Variants in CAST observed in about 807,000 individuals in gnomAD.
CAST encodes the protein MIR583 host.
Under a neutral mutation model 119.6 loss-of-function variants are expected in CAST, and 76 were observed. That is an observed-to-expected ratio of 0.64 (90% CI 0.53 to 0.77). CAST has a LOEUF of 0.77. Ranked by LOEUF, CAST falls within the 30% of genes least tolerant of loss-of-function variation. CAST has a pLI of 0.00. For synonymous variants in CAST, 319 were observed against 331.6 expected, an observed-to-expected ratio of 0.96 and a Z score of 0.41; for missense variants, 953 against 946.5, an observed-to-expected ratio of 1.01 and a Z score of -0.09.
chr5:96,437,372 A>T, the CAST span, among the ~76,000 whole-genome samples: 1 of 152,178 alleles, frequency 6.6e-6, no homozygotes, highest in Non-Finnish European at 1.5e-5. Flanking sequence ...GCCATATACA[A>T]GTATTTAGGT....
At chr5:96,613,567 G>C (rs1023830289) in intron 1 of CAST, among the ~76,000 whole-genome samples, 10 of 152,186 alleles carry the variant, frequency 6.6e-5, no homozygotes, top group African/African-American at 1.7e-4. Flanking sequence ...AGTAGTCAGT[G>C]ATGGGGACGG....
chr5:96,308,955 C>T, the CAST span: 1 of 152,432 alleles, frequency 6.6e-6, no homozygotes, highest in Non-Finnish European at 1.5e-5. Flanking sequence ...CTTGAGGAGG[C>T]AGTCTGTCCC....
intron 1 of CAST, among the ~76,000 whole-genome samples, chr5:96,552,469 G>T (rs1182079758): frequency 6.6e-6 from 1 of 152,032 alleles, no homozygotes. Flanking sequence ...GAAAGCAGGA[G>T]AGATCTAAAA....
chr5:96,521,021 C>T (rs1745508243), upstream of CAST, among the ~76,000 whole-genome samples: 1 of 152,150 alleles, frequency 6.6e-6, no homozygotes, highest in Middle Eastern at 3.2e-3. Flanking sequence ...CCTCTTGGAA[C>T]CTCTTCTGAA....
At chr5:96,692,696 T>G (rs1006312214) in intron 2 of CAST, among the ~76,000 whole-genome samples, 1 of 152,194 alleles carries the variant, frequency 6.6e-6, no homozygotes, top group East Asian at 1.9e-4. Flanking sequence ...TCATCCATCC[T>G]GTCTGAAGCA....
rs536048030 is a variant in CAST, at chr5:96,620,311, A to C, written c.61-55228A>C. Among the ~76,000 whole-genome samples the C allele has an allele frequency of 4.3e-5, 6 of 140,894 alleles. No homozygotes were observed. In the South Asian group the frequency reaches 1.4e-3, roughly 32 times the overall value. 92.4% of individuals were successfully genotyped at this position (140,894 alleles called of 152,430 possible). A position where few individuals can be genotyped will look rare whatever the true frequency, so the allele number is the denominator to read the frequency against. On this transcript the variant is annotated intron_variant, in intron 1 of 11. Transcript: ENST00000505143. ...TTCTTTTTTTTTTTTTTTGGTATTT[A>C]ATGGACTTACAATTTATTGGCTTTG...
At chr5:96,685,711 T>C (rs565493928) in intron 2 of CAST, among the ~76,000 whole-genome samples, 1 of 152,344 alleles carries the variant, frequency 6.6e-6, no homozygotes, top group African/African-American at 2.4e-5. Flanking sequence ...TTATCAACTC[T>C]TTTTGTGCCT....
the CAST span, among the ~76,000 whole-genome samples, chr5:96,159,979 A>AG: frequency 6.6e-6 from 1 of 151,876 alleles, no homozygotes; most frequent in East Asian, 1.9e-4. Flanking sequence ...AAAAAAAAAA[A>AG]AAAATCAAAA....
At chr5:96,266,706 C>G in the CAST span, among the ~76,000 whole-genome samples, 1 of 152,028 alleles carries the variant, frequency 6.6e-6, no homozygotes, top group African/African-American at 2.4e-5. Flanking sequence ...CAGTAAAAAC[C>G]CAAACAAGCC....
At chr5:96,136,530 G>C in the CAST span, among the ~76,000 whole-genome samples, 4 of 152,152 alleles carry the variant, frequency 2.6e-5, no homozygotes, top group African/African-American at 9.7e-5. Context: ...TTGGACACTA[G>C]ATATGCCTGC....
chr5:96,279,592 A>G, the CAST span, among the ~76,000 whole-genome samples: 1 of 152,246 alleles, frequency 6.6e-6, no homozygotes, highest in African/African-American at 2.4e-5. Context: ...ACATTAATAG[A>G]CATGATAAGA....
At chr5:96,683,754 G>A (rs6862241) in intron 2 of CAST, among the ~76,000 whole-genome samples, 8,333 of 152,282 alleles carry the variant, frequency 0.055, 570 homozygotes, top group East Asian at 0.21. Context: ...TATGTGGAAT[G>A]TGTCAGATAG....
At chr5:96,361,388 A>C in the CAST span, among the ~76,000 whole-genome samples, 1 of 151,514 alleles carries the variant, frequency 6.6e-6, no homozygotes, top group Non-Finnish European at 1.5e-5. Flanking sequence ...TGAAAAAAAA[A>C]CTCCTGCAGC....
At chr5:96,237,762 C>T in the CAST span, among the ~76,000 whole-genome samples, 1 of 151,980 alleles carries the variant, frequency 6.6e-6, no homozygotes, top group Non-Finnish European at 1.5e-5. Flanking sequence ...AAAATCTACT[C>T]TCAATCTGTT....
chr5:96,688,895 A>C (rs1752389318), intron 2 of CAST, among the ~76,000 whole-genome samples: 1 of 152,098 alleles, frequency 6.6e-6, no homozygotes, highest in East Asian at 1.9e-4. Context: ...TTAAAGAGAG[A>C]AGTGCTGTGT....
the CAST span, among the ~76,000 whole-genome samples, chr5:95,967,329 C>T: frequency 6.6e-6 from 1 of 151,902 alleles, no homozygotes; most frequent in Non-Finnish European, 1.5e-5. Flanking sequence ...TTCTTTGAGT[C>T]CAGCAGTTTG....
At chr5:96,037,319 A>G in the CAST span, among the ~76,000 whole-genome samples, 1 of 152,122 alleles carries the variant, frequency 6.6e-6, no homozygotes, top group Non-Finnish European at 1.5e-5. Context: ...GCTGCCTGAA[A>G]ATTCTGTTCA....
intron 1 of CAST, among the ~76,000 whole-genome samples, chr5:96,622,269 G>A (rs1189433213): frequency 6.6e-6 from 1 of 152,042 alleles, no homozygotes; most frequent in African/African-American, 2.4e-5. Flanking sequence ...CACCTGGCCT[G>A]AGTTAGCATT....
chr5:96,351,970 G>A, the CAST span, among the ~76,000 whole-genome samples: 1 of 152,062 alleles, frequency 6.6e-6, no homozygotes, highest in Non-Finnish European at 1.5e-5. Flanking sequence ...CTGTTGGGTG[G>A]GTATTTTTGT....
Sources: gnomAD v4.1 joint callset for allele counts (sites outside exome capture counted in the v4.1 genomes callset) on GRCh38, gnomAD v4.1.1 for gene constraint, MANE v1.5 for transcripts, NCBI Gene and HGNC (gene_info 2026-07-23, HGNC 2026-07-21) for gene names.